The following HDGFL2 variants were observed in gnomAD, a reference collection of about 807,000 sequenced individuals.
HDGFL2 encodes the protein HDGF like 2.
Under a neutral mutation model 77.1 loss-of-function variants are expected in HDGFL2, and 36 were observed. That is an observed-to-expected ratio of 0.47 (90% CI 0.36 to 0.62). The LOEUF (loss-of-function observed/expected upper bound fraction) is 0.62. Among genes scored for constraint, HDGFL2 ranks in the 20% least tolerant of loss-of-function variants. The pLI, the probability that HDGFL2 is intolerant of heterozygous loss-of-function variation, is 0.00. For missense variants in HDGFL2, 976 were observed against 973.4 expected (o/e 1.00, Z -0.04); for synonymous variants, 463 against 413.1 (o/e 1.12, Z -1.46).
intron 2 of HDGFL2, 43 bp from the exon 3 acceptor site, chr19:4,475,402 T>C: frequency 6.2e-7 from 1 of 1,613,798 alleles, no homozygotes; most frequent in Non-Finnish European, 8.5e-7. Context: ...CCTCCCGGGG[T>C]GGCCTCACTC....
At chr19:4,487,407 C>G (rs1019499929) in intron 3 of HDGFL2, among the ~76,000 whole-genome samples, 1 of 152,160 alleles carries the variant, frequency 6.6e-6, no homozygotes, top group African/African-American at 2.4e-5. Context: ...CAGGCCCACA[C>G]CGCCACACCT....
At chr19:4,483,353 GGC>G (rs766890532) in intron 3 of HDGFL2, among the ~76,000 whole-genome samples, 3 of 152,116 alleles carry the variant, frequency 2.0e-5, no homozygotes, top group African/African-American at 7.2e-5. Flanking sequence ...CTCTCCTCCC[GGC>G]GCGGGAGGAC....
chr19:4,495,113 C>T (rs940198665), intron 9 of HDGFL2, among the ~76,000 whole-genome samples: 4 of 152,004 alleles, frequency 2.6e-5, no homozygotes, highest in South Asian at 2.1e-4. Context: ...ATGGGCTGGG[C>T]GCAGTGGCTC....
chr19:4,485,690 C>T (rs1012402645), intron 3 of HDGFL2, among the ~76,000 whole-genome samples: 3 of 151,072 alleles, frequency 2.0e-5, no homozygotes, highest in African/African-American at 2.4e-5. Flanking sequence ...TGCAGTGAAC[C>T]GAGATGGCAC....
intron 15 of HDGFL2, chr19:4,501,590 G>A: frequency 6.3e-6 from 3 of 478,616 alleles, no homozygotes; most frequent in Middle Eastern, 5.3e-4. Context: ...GGTGGCCCAG[G>A]TAGGTAGGCC....
rs546333702 is a variant in HDGFL2, at chr19:4,501,999, G to A, written c.2005G>A (p.Glu669Lys). 3.3e-5 allele frequency: 50 copies of A among 1,516,834 alleles called. No individual in the cohort carries two copies. Among genetic ancestry groups the A allele is most frequent in the Middle Eastern group, 1.8e-4 (1 of 5,504 alleles). 94.0% of individuals were successfully genotyped at this position (1,516,834 alleles called of 1,614,324 possible). The change falls in exon 16 of 16, where the codon GAG becomes AAG. Residue 669 changes from glutamate (E) to lysine (K), a missense_variant. Physicochemically the swap from Glu to Lys is moderately conservative, Grantham distance 56. Around this residue, in one of 5 missense-constraint regions of HDGFL2, gnomAD observed 229 missense variants for 187.3 expected, o/e 1.22. Transcript: ENST00000616600. ...ACGGGGGGACTCGGAGGCCCTGGACGAGGAGAGCTGAGCCGCGGGCAGCCA... is the reference window on the plus strand; with the variant it reads ...ACGGGGGGACTCGGAGGCCCTGGACAAGGAGAGCTGAGCCGCGGGCAGCCA... ...RARGDSEALDEES is the reference protein window; with the variant it reads ...RARGDSEALDKES
chr19:4,472,365 C>G lies in HDGFL2; in HGVS notation c.15C>G (p.Phe5Leu). MPHA[F>L]KPGDLVFAKM... The stretch of plus-strand genomic sequence containing the variant: ...TCGCCGTCAGCATGCCACACGCCTT[C>G]AAGCCCGGGGACTTGGTGTTCGCTA... Residue 5 changes from phenylalanine (F) to leucine (L), a missense_variant, in exon 1 of 16, where the codon TTC becomes TTG. Around this residue, in one of 5 missense-constraint regions of HDGFL2, gnomAD observed 31 missense variants for 24.3 expected, o/e 1.27. Transcript: ENST00000616600. 1 of 1,529,748 alleles carries G rather than the reference C, an allele frequency of 6.5e-7. No individual in the cohort carries two copies. Among genetic ancestry groups the G allele is most frequent in the East Asian group, 2.7e-5 (1 of 36,832 alleles). 94.8% of individuals were successfully genotyped at this position (1,529,748 alleles called of 1,614,324 possible).
chr19:4,493,588 C>G, intron 6 of HDGFL2, 115 bp from the exon 7 acceptor site: 1 of 1,248,658 alleles, frequency 8.0e-7, no homozygotes, highest in South Asian at 3.1e-5. Flanking sequence ...GGGCCCTGAG[C>G]CGAGGCCCGC....
chr19:4,491,589 A>T lies in HDGFL2; in HGVS notation c.513A>T (p.Arg171=), dbSNP rs1270390479. ...AGATGTCGGTCTCGAAACGAGCCCG[A>T]AAGGCCTCCAGCGACCTGGATCAGG... ...ALKMSVSKRA[R]KASSDLDQAS... is the part of the protein sequence containing the mutation. The change falls in exon 5 of 16, where the codon CGA becomes CGT. Residue 171 remains arginine (R), a synonymous_variant. Coordinates refer to ENST00000616600, the MANE Select transcript of HDGFL2 (RefSeq NM_001001520.3). 1 of 1,613,830 alleles carries T rather than the reference A, an allele frequency of 6.2e-7. No homozygotes were observed. Among genetic ancestry groups the T allele is most frequent in the South Asian group, 1.1e-5 (1 of 91,074 alleles).
chr19:4,497,613 G>A (rs1975741171), intron 10 of HDGFL2: 2 of 360,394 alleles, frequency 5.5e-6, no homozygotes, highest in South Asian at 2.9e-5. Flanking sequence ...TCAGCAATGG[G>A]CCTCTCTCCT....
In HDGFL2 at chr19:4,494,186, G is replaced by C. The variant is rs1224448436; in HGVS notation, c.935G>C (p.Arg312Pro). The change falls in exon 9 of 16, where the codon CGC (arginine) becomes CCC (proline). Residue 312 changes from arginine to proline, a missense_variant. Arg to Pro is a moderately radical substitution (Grantham distance 103). Transcript: ENST00000616600. ...TCCAGTGACAGCGACGAGGTGGACCGCATCAGTGAGTGGAAGCGGCGGGAC... is the reference window on the plus strand; with the variant it reads ...TCCAGTGACAGCGACGAGGTGGACCCCATCAGTGAGTGGAAGCGGCGGGAC... ...SSDSDSDEVD[R>P]ISEWKRRDEA... 1 of 1,492,424 alleles carries C rather than the reference G, an allele frequency of 6.7e-7. No homozygotes were observed. The highest frequency in any genetic ancestry group is 1.3e-5 in the South Asian group (1 of 75,450). The allele number at this position is 1,492,424 out of a possible 1,614,324, so 92.4% of individuals were successfully genotyped here. A position where few individuals can be genotyped will look rare whatever the true frequency, so the allele number is the denominator to read the frequency against.
chr19:4,499,845 C>T lies in HDGFL2; in HGVS notation c.1789+141C>T, dbSNP rs534484482. On this transcript the variant is annotated intron_variant, in intron 14 of 15. Transcript: ENST00000616600. ...GAGTGTCATGTCCTGTTGGGGTCTC[C>T]GTGCAGACCCGGCTTTAATCCCTGG... The T allele has an allele frequency of 5.0e-3, 3,544 of 703,216 alleles. 22 individuals carry two copies. The highest frequency in any genetic ancestry group is 6.8e-3 in the Non-Finnish European group (2,950 of 433,446). The allele number at this position is 703,216 out of a possible 1,614,324, so 43.6% of individuals were successfully genotyped here.
At chr19:4,493,122 TGTG>T (rs1370878265) in intron 6 of HDGFL2, among the ~76,000 whole-genome samples, 1 of 140,560 alleles carries the variant, frequency 7.1e-6, no homozygotes, top group East Asian at 2.1e-4. Flanking sequence ...GTTGTCTGTG[TGTG>T]GTGTGTGTGT....
chr19:4,497,926 G>A lies in HDGFL2; in HGVS notation c.1329-32G>A, dbSNP rs377330316. On this transcript the variant is annotated intron_variant, in intron 10 of 15. Coordinates refer to ENST00000616600, the MANE Select transcript of HDGFL2 (RefSeq NM_001001520.3). ...CCCTCAGTGGCAGAGTGCCGGTGAC[G>A]GGGCCCGACTGAGGGGAGCACTTCT... is the stretch of plus-strand genomic sequence containing the variant. 5.2e-5 allele frequency: 81 copies of A among 1,542,874 alleles called. 1 individual carries two copies. The East Asian group carries it at 6.8e-4, about 13-fold the overall frequency.
rs1975524120 is a variant in HDGFL2 at position 4,491,838 on chromosome 19, A to G, written c.678+3A>G. ...CTCTGGGGGGACGGAAAAAAAAGGT[A>G]GCGTGCACTTGACTTTGTTTCCCAT... On this transcript the variant is annotated splice_donor_region_variant and intron_variant, in intron 6 of 15. Coordinates refer to ENST00000616600, the MANE Select transcript of HDGFL2 (RefSeq NM_001001520.3). 2 of 1,613,230 alleles carry G rather than the reference A, an allele frequency of 1.2e-6. No homozygotes were observed. The highest frequency in any genetic ancestry group is 2.2e-5 in the East Asian group (1 of 44,874).
chr19:4,499,239 A>G (rs1244861247), intron 13 of HDGFL2, among the ~76,000 whole-genome samples: 2 of 151,974 alleles, frequency 1.3e-5, no homozygotes, highest in Admixed American at 1.3e-4. Flanking sequence ...CCAGCTACTC[A>G]GGAGGCTGAG....
intron 10 of HDGFL2, chr19:4,497,000 G>A (rs1165140156): frequency 5.9e-5 from 22 of 373,876 alleles, no homozygotes; most frequent in Non-Finnish European, 7.3e-5. Context: ...CAGCCCTCCC[G>A]AGTAGCTGGG....
At chr19:4,488,587 T>C (rs1005822111) in intron 3 of HDGFL2, 89 bp from the exon 4 acceptor site, 2 of 1,182,928 alleles carry the variant, frequency 1.7e-6, no homozygotes, top group Non-Finnish European at 2.4e-6. Context: ...GGATCCCGCA[T>C]GTGGTTGCCG....
chr19:4,486,884 C>G (rs1023031346), intron 3 of HDGFL2, among the ~76,000 whole-genome samples: 1 of 152,206 alleles, frequency 6.6e-6, no homozygotes, highest in Non-Finnish European at 1.5e-5. Context: ...TACCCCTTCC[C>G]ATGCTTCTGA....
Sources: allele counts gnomAD v4.1 joint callset (sites outside exome capture counted in the v4.1 genomes callset), GRCh38; gene constraint gnomAD v4.1.1; regional missense constraint gnomAD v4.1.1; transcripts MANE v1.5; gene names NCBI Gene and HGNC (gene_info 2026-07-23, HGNC 2026-07-21).